PLEKHA5: variants seen among roughly 807,000 people sequenced by gnomAD.
PLEKHA5 encodes the protein pleckstrin homology domain-containing family A member 5.
Under a neutral mutation model 181.9 loss-of-function variants are expected in PLEKHA5, and 55 were observed. The ratio of observed to expected loss-of-function variants is 0.30; its 90% CI spans 0.24 to 0.38. PLEKHA5 has a LOEUF of 0.38. PLEKHA5 is among the 10% of genes least tolerant of loss of function. The pLI is 1.00. For synonymous variants in PLEKHA5, 535 were observed against 529.4 expected (o/e 1.01, Z -0.15); for missense variants, 1,432 against 1,549.5 (o/e 0.92, Z 1.27).
chr12:19,181,182 G>A (rs1051614429), intron 3 of PLEKHA5, among the ~76,000 whole-genome samples: 4 of 152,146 alleles, frequency 2.6e-5, no homozygotes, highest in African/African-American at 9.7e-5. Context: ...ACATTGGATA[G>A]CCACAGACCA....
intron 3 of PLEKHA5, among the ~76,000 whole-genome samples, chr12:19,178,848 AAC>A (rs1249922233): frequency 1.3e-5 from 2 of 152,210 alleles, no homozygotes; most frequent in African/African-American, 4.8e-5. Flanking sequence ...CAACTCTCAA[AAC>A]ACAAAGTAGT....
At chr12:19,323,422 G>T (rs1324471476) in intron 20 of PLEKHA5, among the ~76,000 whole-genome samples, 1 of 152,048 alleles carries the variant, frequency 6.6e-6, no homozygotes, top group Non-Finnish European at 1.5e-5. Flanking sequence ...AGAATCATCT[G>T]AGCCCGGGAG....
chr12:19,283,647 G>A lies in PLEKHA5; in HGVS notation c.1681G>A (p.Gly561Arg). ...CCACGGGTCAATAGCTGCTTATCAG[G>A]GATACTCCCCTCAACGAACTTACAG... Reference protein sequence around the residue: ...PSHGSIAAYQGYSPQRTYRSE... With the variant: ...PSHGSIAAYQRYSPQRTYRSE... Residue 561 changes from glycine to arginine, a missense_variant, in exon 12 of 32, where the codon GGA becomes AGA. Gly to Arg is a moderately radical substitution (Grantham distance 125, BLOSUM62 -2). Around this residue, in one of 2 missense-constraint regions of PLEKHA5, gnomAD observed 1,143 missense variants for 1,168.4 expected, o/e 0.98. Coordinates refer to ENST00000429027, the MANE Select transcript of PLEKHA5 (RefSeq NM_001256470.2). The A allele has an allele frequency of 1.2e-6, 2 of 1,614,000 alleles. No individual in the cohort carries two copies. The highest frequency in any genetic ancestry group is 1.7e-6 in the Non-Finnish European group (2 of 1,179,980).
chr12:19,190,269 T>C (rs2050791466), intron 3 of PLEKHA5, among the ~76,000 whole-genome samples: 1 of 152,234 alleles, frequency 6.6e-6, no homozygotes, highest in African/African-American at 2.4e-5. Context: ...TCCTTATGGA[T>C]AATAATGCCT....
At chr12:19,261,408 G>T (rs531357899) in intron 7 of PLEKHA5, among the ~76,000 whole-genome samples, 7 of 152,120 alleles carry the variant, frequency 4.6e-5, no homozygotes, top group African/African-American at 1.7e-4. Flanking sequence ...AGAATATTAA[G>T]GACTACTATT....
intron 3 of PLEKHA5, among the ~76,000 whole-genome samples, chr12:19,170,967 A>G (rs2045757965): frequency 6.6e-6 from 1 of 152,244 alleles, no homozygotes; most frequent in Non-Finnish European, 1.5e-5. Flanking sequence ...GTGTTTGACT[A>G]ATAAGACAAT....
intron 15 of PLEKHA5, among the ~76,000 whole-genome samples, chr12:19,304,300 G>A (rs990039084): frequency 1.3e-5 from 2 of 152,172 alleles, no homozygotes; most frequent in South Asian, 2.1e-4. Flanking sequence ...AGCTACTCAC[G>A]AGGCTGAGGC....
chr12:19,201,938 A>G (rs1056547997), intron 3 of PLEKHA5: 1 of 390,802 alleles, frequency 2.6e-6, no homozygotes. Context: ...ACACTTAACC[A>G]TAGGTGGGTT....
At chr12:19,236,463 T>A (rs528205714) in intron 3 of PLEKHA5, among the ~76,000 whole-genome samples, 1 of 152,244 alleles carries the variant, frequency 6.6e-6, no homozygotes, top group African/African-American at 2.4e-5. Flanking sequence ...GCAACCATCA[T>A]CATCGTTTCT....
chr12:19,334,820 A>C (rs1193210348), intron 20 of PLEKHA5, among the ~76,000 whole-genome samples: 6 of 28,176 alleles, frequency 2.1e-4, no homozygotes, highest in East Asian at 1.2e-3. Flanking sequence ...TGTCTTCACA[A>C]AAAAAAAAAA....
intron 3 of PLEKHA5, among the ~76,000 whole-genome samples, chr12:19,173,056 G>A (rs374307004): frequency 4.8e-5 from 5 of 103,916 alleles, no homozygotes; most frequent in South Asian, 3.6e-4. Flanking sequence ...TCGCTCTGTC[G>A]CCCAGGCCGG....
intron 3 of PLEKHA5, chr12:19,154,690 A>G (rs931764547): frequency 1.3e-5 from 2 of 152,212 alleles, no homozygotes; most frequent in Non-Finnish European, 2.9e-5. Flanking sequence ...CATTGATGGA[A>G]GCAGAATGTT....
chr12:19,132,335 T>C, intron 2 of PLEKHA5, 58 bp from the exon 3 acceptor site: 1 of 843,224 alleles, frequency 1.2e-6, no homozygotes, highest in Non-Finnish European at 2.0e-6. Context: ...TAAAATGGAT[T>C]GAGACTTATT....
intron 10 of PLEKHA5, among the ~76,000 whole-genome samples, chr12:19,273,357 C>CT (rs917753528): frequency 9.4e-5 from 14 of 148,536 alleles, no homozygotes; most frequent in Non-Finnish European, 1.6e-4. Flanking sequence ...AAATAGTCAC[C>CT]TTTTTTTTTT....
chr12:19,205,420 A>G (rs2055187680), intron 3 of PLEKHA5: 2 of 979,004 alleles, frequency 2.0e-6, no homozygotes, highest in Non-Finnish European at 2.4e-6. Flanking sequence ...AAAAGAACAC[A>G]GATTTTTAGC....
At chr12:19,161,560 T>C (rs1424169492) in intron 3 of PLEKHA5, among the ~76,000 whole-genome samples, 1 of 152,182 alleles carries the variant, frequency 6.6e-6, no homozygotes, top group African/African-American at 2.4e-5. Context: ...AGAATTCCAT[T>C]ATAATTTACA....
At chr12:19,241,819 T>TA (rs1555122107) in intron 3 of PLEKHA5, among the ~76,000 whole-genome samples, 3 of 151,886 alleles carry the variant, frequency 2.0e-5, no homozygotes, top group Non-Finnish European at 4.4e-5. Context: ...ATTTTTTTTT[T>TA]AAAAAGAGTC....
intron 15 of PLEKHA5, among the ~76,000 whole-genome samples, chr12:19,310,301 T>C (rs1350087289): frequency 6.6e-6 from 1 of 152,156 alleles, no homozygotes; most frequent in Non-Finnish European, 1.5e-5. Flanking sequence ...ATATGTATTC[T>C]TTATTTATTT....
At chr12:19,361,226 C>G (rs1288281649) in intron 28 of PLEKHA5, among the ~76,000 whole-genome samples, 3 of 152,108 alleles carry the variant, frequency 2.0e-5, no homozygotes, top group Non-Finnish European at 2.9e-5. Flanking sequence ...CTCTGTCACC[C>G]AGGCTGGAGT....
Sources: gnomAD v4.1 joint callset for allele counts (sites outside exome capture counted in the v4.1 genomes callset) on GRCh38, gnomAD v4.1.1 for gene constraint, gnomAD v4.1.1 regional missense constraint, MANE v1.5 for transcripts, NCBI Gene and HGNC (gene_info 2026-07-23, HGNC 2026-07-21) for gene names.